The following SYT17 variants were observed in gnomAD, a reference collection of about 807,000 sequenced individuals.
The protein encoded by SYT17 is synaptotagmin 17, also known as synaptotagmin-17.
SYT17 carries 22 observed loss-of-function variants against 46.7 expected under a neutral mutation model. The ratio of observed to expected loss-of-function variants is 0.47; its 90% CI spans 0.34 to 0.67. The LOEUF (loss-of-function observed/expected upper bound fraction) is 0.67. Ranked by LOEUF, SYT17 falls within the 30% of genes least tolerant of loss-of-function variation. The pLI, the probability that SYT17 is intolerant of heterozygous loss-of-function variation, is 0.01. For synonymous variants in SYT17, 251 were observed against 248.4 expected (o/e 1.01, Z -0.10); for missense variants, 519 against 612.8 (o/e 0.85, Z 1.62).
intron 3 of SYT17, among the ~76,000 whole-genome samples, chr16:19,174,395 G>A (rs914391229): frequency 4.6e-5 from 7 of 152,126 alleles, no homozygotes; most frequent in Non-Finnish European, 7.4e-5. Flanking sequence ...GTCATGCTTC[G>A]GAGGGGCAGG....
chr16:19,256,437 A>ACACACAC (rs1968566447), intron 7 of SYT17, among the ~76,000 whole-genome samples: 3 of 128,978 alleles, frequency 2.3e-5, no homozygotes, highest in East Asian at 2.3e-4. Context: ...CCCCTCTTCA[A>ACACACAC]ACACACACAC....
chr16:19,231,205 A>G (rs959468570), intron 7 of SYT17, among the ~76,000 whole-genome samples: 2 of 152,138 alleles, frequency 1.3e-5, no homozygotes, highest in African/African-American at 4.8e-5. Context: ...TCATGTGTTG[A>G]GCCTCTAGCC....
At chr16:19,199,690 T>A (rs1346666724) in intron 5 of SYT17, among the ~76,000 whole-genome samples, 2 of 152,140 alleles carry the variant, frequency 1.3e-5, no homozygotes, top group Non-Finnish European at 2.9e-5. Flanking sequence ...GAGTTATGAT[T>A]GCACCACTGT....
intron 7 of SYT17, among the ~76,000 whole-genome samples, chr16:19,249,275 AAAATAAATAAAT>A (rs71375627): frequency 0.052 from 7,575 of 145,308 alleles, 662 homozygotes; most frequent in African/African-American, 0.18. Flanking sequence ...CGCCGTCTCA[AAAATAAATAAAT>A]AAATAAATAA....
intron 7 of SYT17, among the ~76,000 whole-genome samples, chr16:19,265,800 CATT>C (rs1451143912): frequency 6.6e-6 from 1 of 152,224 alleles, no homozygotes; most frequent in Admixed American, 6.5e-5. Context: ...TTAACCGTCT[CATT>C]AGGCTTGAAA....
intron 5 of SYT17, among the ~76,000 whole-genome samples, 196 bp from the exon 6 acceptor site, chr16:19,222,849 C>T (rs913546030): frequency 5.3e-5 from 8 of 151,910 alleles, no homozygotes; most frequent in Admixed American, 1.3e-4. Flanking sequence ...GATCTAAGAG[C>T]GGAAAAAACT....
At chr16:19,173,881 G>A (rs907122655) in intron 3 of SYT17, among the ~76,000 whole-genome samples, 2 of 152,132 alleles carry the variant, frequency 1.3e-5, no homozygotes, top group Non-Finnish European at 2.9e-5. Flanking sequence ...CACGTGGAGC[G>A]TGGTTCCGAG....
rs533142827 is a variant in SYT17, at chr16:19,172,830, A to C, written c.33+53A>C. 52 of 1,610,260 alleles carry C rather than the reference A, an allele frequency of 3.2e-5. No individual in the cohort carries two copies. The Admixed American group carries it at 5.5e-4, about 17-fold the overall frequency. ...CTGGTTTCTAATCAAGAAATGCCTGACTTTCATTTTGGAGTCTTATGTGGG... is the reference window on the plus strand; with the variant it reads ...CTGGTTTCTAATCAAGAAATGCCTGCCTTTCATTTTGGAGTCTTATGTGGG... On this transcript the variant is annotated intron_variant, in intron 2 of 7. Coordinates refer to ENST00000355377, the MANE Select transcript of SYT17 (RefSeq NM_016524.4).
At chr16:19,216,380 C>CTTT in intron 5 of SYT17, among the ~76,000 whole-genome samples, 1 of 141,556 alleles carries the variant, frequency 7.1e-6, no homozygotes, top group East Asian at 2.0e-4. Flanking sequence ...ACAATTATTT[C>CTTT]TTTTTTTTTT....
At chr16:19,174,157 G>A (rs1254342214) in intron 3 of SYT17, among the ~76,000 whole-genome samples, 1 of 152,174 alleles carries the variant, frequency 6.6e-6, no homozygotes, top group Non-Finnish European at 1.5e-5. Context: ...CGCTGTTTAT[G>A]TTCTCTCTGG....
chr16:19,228,145 G>C (rs1376654764), intron 7 of SYT17, among the ~76,000 whole-genome samples: 1 of 152,116 alleles, frequency 6.6e-6, no homozygotes, highest in Non-Finnish European at 1.5e-5. Context: ...AGTTGCAGAG[G>C]TTTTTTCGAA....
At chr16:19,256,646 A>C (rs187214281) in intron 7 of SYT17, among the ~76,000 whole-genome samples, 345 of 152,000 alleles carry the variant, frequency 2.3e-3, no homozygotes, top group African/African-American at 7.8e-3. Flanking sequence ...TGGTATGATC[A>C]TGCCTCACTG....
intron 5 of SYT17, among the ~76,000 whole-genome samples, chr16:19,219,760 C>G (rs1055930392): frequency 6.6e-6 from 1 of 152,170 alleles, no homozygotes; most frequent in Non-Finnish European, 1.5e-5. Flanking sequence ...CTATCCATCC[C>G]CCCCACAGGA....
intron 1 of SYT17, 39 bp from the exon 2 acceptor site, chr16:19,172,721 C>T: frequency 6.2e-7 from 1 of 1,613,320 alleles, no homozygotes; most frequent in Non-Finnish European, 8.5e-7. Context: ...CCTTCGTTCC[C>T]TTACGCCCTT....
chr16:19,170,122 A>G (rs111901946), intron 1 of SYT17: 1 of 152,148 alleles, frequency 6.6e-6, no homozygotes, highest in South Asian at 2.1e-4. Flanking sequence ...AAAGTGCCAG[A>G]TACTATTTTT....
At position 19,185,186 on chromosome 16, in the gene SYT17, C is replaced by A. The variant is rs147565087; in HGVS notation, c.951+1039C>A. Among the ~76,000 whole-genome samples, 974 of 152,170 alleles carry A rather than the reference C, an allele frequency of 6.4e-3. 9 individuals carry two copies. The highest frequency in any genetic ancestry group is 0.021 in the African/African-American group (879 of 41,476). On this transcript the variant is annotated intron_variant, in intron 5 of 7. Transcript: ENST00000355377. ...CCCTCCTTCCTCCCTCCCCTCCTCCCCTCTTCCCTTCCTTCTCTCCCTGTC... is the reference window on the plus strand; with the variant it reads ...CCCTCCTTCCTCCCTCCCCTCCTCCACTCTTCCCTTCCTTCTCTCCCTGTC...
chr16:19,231,994 G>A (rs941567741), intron 7 of SYT17, among the ~76,000 whole-genome samples: 2 of 152,206 alleles, frequency 1.3e-5, no homozygotes, highest in African/African-American at 4.8e-5. Context: ...CGTGAGCTGG[G>A]AGCTGAAGGA....
chr16:19,201,748 G>C (rs1201555035), intron 5 of SYT17, among the ~76,000 whole-genome samples: 1 of 151,468 alleles, frequency 6.6e-6, no homozygotes, highest in Non-Finnish European at 1.5e-5. Context: ...AAGGGAGTAG[G>C]CTTTAAAATC....
chr16:19,188,290 C>A (rs1596914230), intron 5 of SYT17, among the ~76,000 whole-genome samples: 1 of 151,918 alleles, frequency 6.6e-6, no homozygotes, highest in East Asian at 1.9e-4. Flanking sequence ...ATGCTGAGAA[C>A]ACATGGACAC....
Sources: allele counts gnomAD v4.1 joint callset (sites outside exome capture counted in the v4.1 genomes callset), GRCh38; gene constraint gnomAD v4.1.1; transcripts MANE v1.5; gene names NCBI Gene and HGNC (gene_info 2026-07-23, HGNC 2026-07-21).